Variants in CA10 observed in about 807,000 individuals in gnomAD.
CA10 encodes carbonic anhydrase 10 (inactive).
Under a neutral mutation model 44.2 loss-of-function variants are expected in CA10, and 14 were observed. The observed-to-expected ratio is 0.32, with a 90% CI of 0.21 to 0.50. The LOEUF is 0.50. Among genes scored for constraint, CA10 ranks in the 20% least tolerant of loss-of-function variants. The probability of loss-of-function intolerance (pLI) is 0.99; values close to 1 mark genes in which losing one functional copy is unlikely to be tolerated. For synonymous variants in CA10, 159 were observed against 141.6 expected (o/e 1.12, Z -0.87); for missense variants, 350 against 409.7 (o/e 0.85, Z 1.26).
At chr17:52,001,907 C>T (rs1292072821) in intron 2 of CA10, among the ~76,000 whole-genome samples, 1 of 151,960 alleles carries the variant, frequency 6.6e-6, no homozygotes, top group Non-Finnish European at 1.5e-5. Flanking sequence ...TCAGGGCAGC[C>T]TTCCATTTGG....
chr17:51,907,086 A>T (rs1188284718), intron 3 of CA10, among the ~76,000 whole-genome samples: 1 of 152,036 alleles, frequency 6.6e-6, no homozygotes, highest in African/African-American at 2.4e-5. Flanking sequence ...CAGCATTAAA[A>T]CCAAACTCCT....
intron 3 of CA10, among the ~76,000 whole-genome samples, chr17:51,909,459 G>A (rs1381919237): frequency 6.6e-6 from 1 of 152,156 alleles, no homozygotes; most frequent in Non-Finnish European, 1.5e-5. Context: ...GGGAAGCTCA[G>A]TGTCCTCTGC....
chr17:51,930,134 G>GA (rs11413619), intron 3 of CA10, among the ~76,000 whole-genome samples: 119,085 of 151,994 alleles, frequency 0.78, 47,061 homozygotes, highest in African/African-American at 0.83. Flanking sequence ...AGAGCCCAAT[G>GA]ACCCAAACCC....
intron 3 of CA10, among the ~76,000 whole-genome samples, chr17:51,904,025 G>A (rs1209254201): frequency 6.6e-6 from 1 of 151,582 alleles, no homozygotes; most frequent in African/African-American, 2.4e-5. Context: ...ACTAGAAGCA[G>A]GCATGTTTGA....
intron 2 of CA10, among the ~76,000 whole-genome samples, chr17:52,025,101 A>G (rs1986260148): frequency 6.6e-6 from 1 of 152,030 alleles, no homozygotes; most frequent in East Asian, 1.9e-4. Flanking sequence ...ATGGAAAAAA[A>G]TGTCTTAAAT....
At chr17:52,142,183 A>T (rs557237599) in intron 1 of CA10, among the ~76,000 whole-genome samples, 1 of 152,222 alleles carries the variant, frequency 6.6e-6, no homozygotes, top group Non-Finnish European at 1.5e-5. Context: ...AAATTGGAGC[A>T]AAGTTGGAAA....
At chr17:51,923,459 T>C (rs1982309027) in intron 3 of CA10, among the ~76,000 whole-genome samples, 1 of 152,218 alleles carries the variant, frequency 6.6e-6, no homozygotes, top group African/African-American at 2.4e-5. Context: ...TTTCTTAATA[T>C]CTATACCGCT....
chr17:51,866,756 A>G (rs1453038075), intron 3 of CA10, among the ~76,000 whole-genome samples: 2 of 152,244 alleles, frequency 1.3e-5, no homozygotes, highest in African/African-American at 2.4e-5. Context: ...GATGTCTTCT[A>G]ACATAGTCAC....
At chr17:52,138,615 C>T (rs1291814957) in intron 1 of CA10, among the ~76,000 whole-genome samples, 1 of 152,188 alleles carries the variant, frequency 6.6e-6, no homozygotes. Flanking sequence ...GATATCAAAT[C>T]CATCTTCTGG....
intron 3 of CA10, among the ~76,000 whole-genome samples, chr17:51,788,362 A>G (rs1906377403): frequency 6.6e-6 from 1 of 152,246 alleles, no homozygotes; most frequent in South Asian, 2.1e-4. Context: ...GTTTTGTGTC[A>G]TAACATATGG....
intron 8 of CA10, among the ~76,000 whole-genome samples, chr17:51,633,112 A>AG (rs1912660980): frequency 8.4e-6 from 1 of 118,914 alleles, no homozygotes; most frequent in Non-Finnish European, 1.8e-5. Context: ...AAATGGCAAT[A>AG]AAAAGCTGTC....
At chr17:51,698,653 A>G (rs1469169728) in intron 4 of CA10, among the ~76,000 whole-genome samples, 1 of 152,188 alleles carries the variant, frequency 6.6e-6, no homozygotes, top group Admixed American at 6.5e-5. Context: ...ATAGTGCATT[A>G]AATCTCCAGA....
intron 3 of CA10, among the ~76,000 whole-genome samples, chr17:51,838,701 A>T (rs1978296174): frequency 6.6e-6 from 1 of 152,248 alleles, no homozygotes; most frequent in Admixed American, 6.5e-5. Flanking sequence ...CCCTTTACAT[A>T]GCAAATATCT....
intron 3 of CA10, among the ~76,000 whole-genome samples, chr17:51,780,543 C>G (rs982798710): frequency 3.3e-5 from 5 of 152,018 alleles, no homozygotes; most frequent in African/African-American, 1.2e-4. Context: ...AGTGAGAGCC[C>G]AATATATTCA....
intron 1 of CA10, among the ~76,000 whole-genome samples, chr17:52,076,167 C>G (rs889687288): frequency 6.6e-6 from 1 of 152,140 alleles, no homozygotes; most frequent in Non-Finnish European, 1.5e-5. Context: ...TCCACACTCC[C>G]CTCTAAGGAC....
intron 3 of CA10, among the ~76,000 whole-genome samples, chr17:51,881,822 G>T (rs1465363743): frequency 6.6e-6 from 1 of 152,178 alleles, no homozygotes; most frequent in African/African-American, 2.4e-5. Flanking sequence ...CACTGTTAAT[G>T]ACAGGAGAAC....
intron 4 of CA10, among the ~76,000 whole-genome samples, chr17:51,727,738 C>T (rs1215519807): frequency 1.3e-5 from 2 of 152,044 alleles, no homozygotes; most frequent in African/African-American, 2.4e-5. Context: ...CATGTCCATC[C>T]TATTTATTTA....
At chr17:51,797,756 CA>C in intron 3 of CA10, among the ~76,000 whole-genome samples, 1 of 141,260 alleles carries the variant, frequency 7.1e-6, no homozygotes, top group Non-Finnish European at 1.5e-5. Context: ...CAGGCTGAGG[CA>C]GGAGAATTAC....
intron 6 of CA10, among the ~76,000 whole-genome samples, chr17:51,640,125 G>T (rs565892910): frequency 6.6e-6 from 1 of 152,296 alleles, no homozygotes; most frequent in South Asian, 2.1e-4. Context: ...TGAGCCTTCA[G>T]GGGAAGGGTT....
Sources: gnomAD v4.1 joint callset for allele counts (sites outside exome capture counted in the v4.1 genomes callset) on GRCh38, gnomAD v4.1.1 for gene constraint, MANE v1.5 for transcripts, NCBI Gene and HGNC (gene_info 2026-07-23, HGNC 2026-07-21) for gene names.